The following RARA variants were observed in gnomAD, a reference collection of about 807,000 sequenced individuals.
RARA encodes retinoic acid receptor alpha.
A neutral mutation model predicts 42.8 loss-of-function variants in RARA; 5 were observed. The ratio of observed to expected loss-of-function variants is 0.12; its 90% CI spans 0.06 to 0.25. The LOEUF is 0.25. Ranked by LOEUF, RARA falls within the 10% of genes least tolerant of loss-of-function variation. The probability of loss-of-function intolerance (pLI) is 1.00; values close to 1 mark genes in which losing one functional copy is unlikely to be tolerated. For missense variants in RARA, 402 were observed against 628.7 expected, an observed-to-expected ratio of 0.64 and a Z score of 3.86; for synonymous variants, 256 against 259.5, an observed-to-expected ratio of 0.99 and a Z score of 0.13.
chr17:40,331,050 A>G lies in RARA; in HGVS notation c.-169A>G, dbSNP rs1002120688. 7.0e-6 allele frequency: 5 copies of G among 716,626 alleles called. No homozygotes were observed. In the African/African-American group the frequency reaches 9.2e-5, roughly 13 times the overall value. The allele number at this position is 716,626 out of a possible 1,614,324, so 44.4% of individuals were successfully genotyped here. ...CCAGCTAGGGTGGGGGCTCCAGGAG[A>G]CTGAGATTAGCCTGCCCTCTTTGGA... On this transcript the variant is annotated 5_prime_UTR_variant, in exon 2 of 9. Transcript: ENST00000254066.
Position 40,331,226 on chromosome 17 carries a change from G to A in RARA, c.8G>A (p.Ser3Asn), listed in dbSNP as rs1403940287. ...TGACTGTGGCCGCTTGGCATGGCCA[G>A]CAACAGCAGCTCCTGCCCGACACCT... MA[S>N]NSSSCPTPGG... The change falls in exon 2 of 9, where the codon AGC becomes AAC. Residue 3 changes from serine to asparagine, a missense_variant. Physicochemically the swap from Ser to Asn is conservative, Grantham distance 46. Around this residue, in one of 5 missense-constraint regions of RARA, gnomAD observed 91 missense variants for 105.2 expected, o/e 0.87. Transcript: ENST00000254066. 1 of 1,610,770 alleles carries A rather than the reference G, an allele frequency of 6.2e-7. No homozygotes were observed. The highest frequency in any genetic ancestry group is 8.5e-7 in the Non-Finnish European group (1 of 1,179,066).
chr17:40,319,661 G>A (rs2143188678), intron 1 of RARA, among the ~76,000 whole-genome samples: 1 of 152,084 alleles, frequency 6.6e-6, no homozygotes. Flanking sequence ...GGGCAAGATT[G>A]TTTTGGGGGA....
At position 40,352,520 on chromosome 17, in the gene RARA, ACCCTGGCC is replaced by A. The variant is rs2034489336; in HGVS notation, c.807+17_807+24del. 6.3e-7 allele frequency: 1 copy of A among 1,579,236 alleles called. No individual in the cohort carries two copies. The highest frequency in any genetic ancestry group is 1.8e-5 in the Admixed American group (1 of 56,972). On this transcript the variant is annotated intron_variant, in intron 6 of 8. Coordinates refer to ENST00000254066, the MANE Select transcript of RARA (RefSeq NM_000964.4). This position sits in a 1 kb window ranked among gnomAD's most constrained non-coding sequence, Gnocchi z 4.9. ...CCTGGACATCCTGGTGAGGGTCTGC[ACCCTGGCC>A]CCCAGGCACTGCCCCTGTGTCCTGG...
chr17:40,335,325 AC>A (rs2033813202), intron 2 of RARA, among the ~76,000 whole-genome samples: 1 of 151,518 alleles, frequency 6.6e-6, no homozygotes, highest in Non-Finnish European at 1.5e-5. Context: ...TTTTTTGTTC[AC>A]CCTGGGAATT....
chr17:40,355,325 C>G lies in RARA; in HGVS notation c.1075C>G (p.Leu359Val), dbSNP rs1643858047. The change falls in exon 8 of 9, where the codon CTA becomes GTA. Residue 359 changes from leucine to valine, a missense_variant. Coordinates refer to ENST00000254066, the MANE Select transcript of RARA (RefSeq NM_000964.4). The surrounding 1 kb of genome is among the most constrained non-coding windows in gnomAD (Gnocchi z 4.1). ...GCTGCAGGAGCCGCTGCTGGAGGCG[C>G]TAAAGGTCTACGTGCGGAAGCGGAG... is the stretch of plus-strand genomic sequence containing the variant. ...DMLQEPLLEA[L>V]KVYVRKRRPS... 6.2e-7 allele frequency: 1 copy of G among 1,610,972 alleles called. No homozygotes were observed.
In RARA at chr17:40,357,283, C is replaced by T. The variant is rs953442125; in HGVS notation, c.*1057C>T. The stretch of plus-strand genomic sequence containing the variant: ...CCCGAGCTGCCCCCACCCCCGGCCT[C>T]AGCCACCAGCACCCCCATAGGGCCC... On this transcript the variant is annotated 3_prime_UTR_variant, in exon 9 of 9. Transcript: ENST00000254066. 11 of 235,532 alleles carry T rather than the reference C, an allele frequency of 4.7e-5. No homozygotes were observed. The highest frequency in any genetic ancestry group is 2.0e-4 in the African/African-American group (9 of 45,078). The allele number at this position is 235,532 out of a possible 1,614,324, so 14.6% of individuals were successfully genotyped here. A position where few individuals can be genotyped will look rare whatever the true frequency, so the allele number is the denominator to read the frequency against.
Position 40,354,890 on chromosome 17 carries a change from G to A in RARA, c.1013-373G>A, listed in dbSNP as rs533762896. Among the ~76,000 whole-genome samples the A allele has an allele frequency of 2.7e-4, 41 of 152,326 alleles. No individual in the cohort carries two copies. Among genetic ancestry groups the A allele is most frequent in the African/African-American group, 9.4e-4 (39 of 41,556 alleles). On this transcript the variant is annotated intron_variant, in intron 7 of 8. Coordinates refer to ENST00000254066, the MANE Select transcript of RARA (RefSeq NM_000964.4). This position sits in a 1 kb window ranked among gnomAD's most constrained non-coding sequence, Gnocchi z 4.5. ...GATACTGTGCAGGTGCCCAGAGCGA[G>A]CTCCAGTGCTTGTTAGTTGCTATTT...
At chr17:40,325,019 G>A (rs901477929) in intron 1 of RARA, among the ~76,000 whole-genome samples, 4 of 152,140 alleles carry the variant, frequency 2.6e-5, no homozygotes, top group Non-Finnish European at 5.9e-5. Context: ...TTGGGAGGCC[G>A]AGGCGGGCAG....
At chr17:40,328,338 TA>T (rs1334862045) in intron 1 of RARA, among the ~76,000 whole-genome samples, 3 of 152,116 alleles carry the variant, frequency 2.0e-5, no homozygotes, top group Non-Finnish European at 4.4e-5. Flanking sequence ...TGGCAAGGTA[TA>T]GGGGGTGTTG....
At chr17:40,347,104 G>A (rs1299476832) in intron 2 of RARA, among the ~76,000 whole-genome samples, 1 of 152,212 alleles carries the variant, frequency 6.6e-6, no homozygotes, top group African/African-American at 2.4e-5. Context: ...TGTGACTCAT[G>A]TCTGTAAGGT....
At position 40,354,559 on chromosome 17, in the gene RARA, G is replaced by A; in HGVS notation, c.1012+53G>A. 6.3e-7 allele frequency: 1 copy of A among 1,583,442 alleles called. No homozygotes were observed. On this transcript the variant is annotated intron_variant, in intron 7 of 8. Transcript: ENST00000254066. This position sits in a 1 kb window ranked among gnomAD's most constrained non-coding sequence, Gnocchi z 4.5. Reference sequence around the variant, plus strand: ...TGGGCTGGGACGGGGGTGCAGCCCTGGAGTCTCTTCCAGGGAGCTCTTTCA... The same window carrying A: ...TGGGCTGGGACGGGGGTGCAGCCCTAGAGTCTCTTCCAGGGAGCTCTTTCA...
Position 40,331,409 on chromosome 17 carries a change from G to T in RARA, c.178+13G>T. 6.2e-7 allele frequency: 1 copy of T among 1,610,330 alleles called. No homozygotes were observed. The highest frequency in any genetic ancestry group is 1.3e-5 in the African/African-American group (1 of 74,984). On this transcript the variant is annotated intron_variant, in intron 2 of 8. Transcript: ENST00000254066. The stretch of plus-strand genomic sequence containing the variant: ...CCATCCCCAGCCAGTAAGTCTGGGT[G>T]TGGGGGCTGGGGTGGGAAGGGACTG...
At chr17:40,322,730 G>A (rs2033426868) in intron 1 of RARA, among the ~76,000 whole-genome samples, 1 of 151,962 alleles carries the variant, frequency 6.6e-6, no homozygotes, top group African/African-American at 2.4e-5. Flanking sequence ...GAAAAGAGGG[G>A]GGTTAAGGGG....
chr17:40,357,414 G>GGGCCC lies in RARA; in HGVS notation c.*1188_*1189insGGCCC. On this transcript the variant is annotated 3_prime_UTR_variant, in exon 9 of 9. Transcript: ENST00000254066. Reference sequence around the variant, plus strand: ...CCGAGTTCCTCCATTTCCCTGGCCTGCCCCCCACCCCCAACCTGTCCCACC... The same window carrying GGGCCC: ...CCGAGTTCCTCCATTTCCCTGGCCTGGGCCCCCCCCCACCCCCAACCTGTCCCACC... The GGGCCC allele has an allele frequency of 4.4e-6, 1 of 227,364 alleles. No individual in the cohort carries two copies. The highest frequency in any genetic ancestry group is 8.7e-6 in the Non-Finnish European group (1 of 115,078). 14.1% of individuals were successfully genotyped at this position (227,364 alleles called of 1,614,324 possible). A position where few individuals can be genotyped will look rare whatever the true frequency, so the allele number is the denominator to read the frequency against.
chr17:40,356,136 C>A lies in RARA; in HGVS notation c.1299C>A (p.Asp433Glu), dbSNP rs762021232. Residue 433 changes from aspartate (D) to glutamate (E), a missense_variant, in exon 9 of 9, where the codon GAC becomes GAA. Around this residue, in one of 5 missense-constraint regions of RARA, gnomAD observed 73 missense variants for 59.8 expected, o/e 1.22. Transcript: ENST00000254066. Reference protein sequence around the residue: ...LSGQPGGGGRDGGGLAPPPGS... With the variant: ...LSGQPGGGGREGGGLAPPPGS... Reference sequence around the variant, plus strand: ...GACAGCCGGGGGGTGGGGGGCGGGACGGGGGTGGCCTGGCCCCCCCGCCAG... The same window carrying A: ...GACAGCCGGGGGGTGGGGGGCGGGAAGGGGGTGGCCTGGCCCCCCCGCCAG... The A allele has an allele frequency of 3.6e-5, 53 of 1,486,014 alleles. No homozygotes were observed. In the East Asian group the frequency reaches 8.8e-4, roughly 25 times the overall value. The allele number at this position is 1,486,014 out of a possible 1,614,324, so 92.1% of individuals were successfully genotyped here. A position where few individuals can be genotyped will look rare whatever the true frequency, so the allele number is the denominator to read the frequency against.
In RARA at chr17:40,354,549, G is replaced by T. The variant is rs758153613; in HGVS notation, c.1012+43G>T. 2 of 1,588,024 alleles carry T rather than the reference G, an allele frequency of 1.3e-6. No individual in the cohort carries two copies. Among genetic ancestry groups the T allele is most frequent in the South Asian group, 1.1e-5 (1 of 90,214 alleles). On this transcript the variant is annotated intron_variant, in intron 7 of 8. Transcript: ENST00000254066. The surrounding 1 kb of genome is among the most constrained non-coding windows in gnomAD (Gnocchi z 4.5). ...GTCTGGGGGCTGGGCTGGGACGGGGGTGCAGCCCTGGAGTCTCTTCCAGGG... is the reference window on the plus strand; with the variant it reads ...GTCTGGGGGCTGGGCTGGGACGGGGTTGCAGCCCTGGAGTCTCTTCCAGGG...
At chr17:40,327,259 C>T (rs1003958671) in intron 1 of RARA, among the ~76,000 whole-genome samples, 2 of 152,190 alleles carry the variant, frequency 1.3e-5, no homozygotes, top group African/African-American at 4.8e-5. Context: ...CTAAACTGGC[C>T]TCCCGACCCC....
At chr17:40,343,847 G>A (rs2034159548) in intron 2 of RARA, among the ~76,000 whole-genome samples, 1 of 152,222 alleles carries the variant, frequency 6.6e-6, no homozygotes, top group Admixed American at 6.5e-5. Context: ...CCTCTGGGAG[G>A]AAGGGCTCTG....
rs148477186 is a variant in RARA at position 40,348,446 on chromosome 17, C to T, written c.309C>T (p.Ser103=). 92 of 1,612,558 alleles carry T rather than the reference C, an allele frequency of 5.7e-5. No homozygotes were observed. Among genetic ancestry groups the T allele is most frequent in the Non-Finnish European group, 7.0e-5 (82 of 1,179,318 alleles). The change falls in exon 3 of 9, where the codon AGC becomes AGT. Residue 103 remains serine, a synonymous_variant. Coordinates refer to ENST00000254066, the MANE Select transcript of RARA (RefSeq NM_000964.4). ...DKSSGYHYGV[S]ACEGCKGFFR... ...CCTCAGGCTACCACTATGGGGTCAG[C>T]GCCTGTGAGGGCTGCAAGGTGAGTT...
Sources: gnomAD v4.1 joint callset for allele counts (sites outside exome capture counted in the v4.1 genomes callset) on GRCh38, gnomAD v4.1.1 for gene constraint, gnomAD v4.1.1 regional missense constraint, Gnocchi (gnomAD v3.1) non-coding constraint, MANE v1.5 for transcripts, NCBI Gene and HGNC (gene_info 2026-07-23, HGNC 2026-07-21) for gene names.